The following PAPSS2 variants were observed in gnomAD, a reference collection of about 807,000 sequenced individuals.
PAPSS2 encodes 3'-phosphoadenosine 5'-phosphosulfate synthase 2.
PAPSS2 carries 61 observed loss-of-function variants against 66.5 expected under a neutral mutation model. The ratio of observed to expected loss-of-function variants is 0.92; its 90% CI spans 0.75 to 1.14. The LOEUF (loss-of-function observed/expected upper bound fraction) is 1.14, where lower values mean the gene tolerates loss of function less well. Ranked by LOEUF, PAPSS2 falls within the 50% of genes most tolerant of loss-of-function variation. The pLI, the probability that PAPSS2 is intolerant of heterozygous loss-of-function variation, is 0.00. For synonymous variants in PAPSS2, 289 were observed against 287.5 expected (o/e 1.01, Z -0.05); for missense variants, 708 against 789.6 (o/e 0.90, Z 1.24).
intron 1 of PAPSS2, chr10:87,704,154 A>G (rs950632289): frequency 1.5e-5 from 6 of 410,030 alleles, no homozygotes; most frequent in African/African-American, 1.3e-4. Context: ...AATAGGAATA[A>G]AATATTTGAC....
rs771282949 is a variant in PAPSS2, at chr10:87,715,056, C to T, written c.711C>T (p.Val237=). 6.2e-7 allele frequency: 1 copy of T among 1,613,082 alleles called. No individual in the cohort carries two copies. Among genetic ancestry groups the T allele is most frequent in the Non-Finnish European group, 8.5e-7 (1 of 1,179,070 alleles). Residue 237 remains valine, a synonymous_variant, in exon 6 of 13, where the codon GTC becomes GTT. Transcript: ENST00000456849. ...LFVPENKLDH[V]RAEAETLPSL... ...TGCCGGAAAACAAACTTGACCACGT[C>T]CGAGCTGAGGCTGAAACTCTCCCTT...
rs774708088 is a variant in PAPSS2 at position 87,709,182 on chromosome 10, G to C, written c.28-14G>C. Reference sequence around the variant, plus strand: ...ATTAATTAATACTGTGCTTGGTTTTGTCTTATTTTATAGGAGAACCAGCAG... The same window carrying C: ...ATTAATTAATACTGTGCTTGGTTTTCTCTTATTTTATAGGAGAACCAGCAG... On this transcript the variant is annotated splice_polypyrimidine_tract_variant and intron_variant, in intron 1 of 12. Coordinates refer to ENST00000456849, the MANE Select transcript of PAPSS2 (RefSeq NM_001015880.2). The C allele has an allele frequency of 6.5e-7, 1 of 1,548,964 alleles. No individual in the cohort carries two copies. Among genetic ancestry groups the C allele is most frequent in the East Asian group, 2.2e-5 (1 of 44,522 alleles).
chr10:87,685,123 TCCTTTGTAGGCTCAAGCTGAGCCCCCCA>T (rs1348646569), intron 1 of PAPSS2, among the ~76,000 whole-genome samples: 1 of 152,116 alleles, frequency 6.6e-6, no homozygotes, highest in African/African-American at 2.4e-5. Flanking sequence ...CCATGGGAAA[TCCTTTGTAGGCTCAAGCTGAGCCCCCCA>T]CTTCAAAAGC....
chr10:87,726,934 T>C (rs964717280), intron 8 of PAPSS2, among the ~76,000 whole-genome samples: 1 of 152,240 alleles, frequency 6.6e-6, no homozygotes, highest in Non-Finnish European at 1.5e-5. Context: ...TTTTATTTAA[T>C]TGGGTTTTGG....
chr10:87,709,407 G>A, intron 2 of PAPSS2, 94 bp downstream of exon 2: 1 of 767,456 alleles, frequency 1.3e-6, no homozygotes, highest in African/African-American at 1.7e-5. Context: ...TTACATGCTT[G>A]TTTTATCATT....
intron 1 of PAPSS2, among the ~76,000 whole-genome samples, chr10:87,688,166 A>G (rs1589424739): frequency 6.6e-6 from 1 of 152,060 alleles, no homozygotes; most frequent in Non-Finnish European, 1.5e-5. Context: ...ACATATAATA[A>G]CACTAAAAAG....
chr10:87,728,723 C>T (rs1041947817), intron 9 of PAPSS2, among the ~76,000 whole-genome samples: 3 of 143,090 alleles, frequency 2.1e-5, no homozygotes, highest in South Asian at 2.4e-4. Flanking sequence ...GGTGACAGAG[C>T]GAGACTCTGT....
rs780895988 is a variant in PAPSS2, at chr10:87,727,344, G to A, written c.941G>A (p.Arg314Gln). Residue 314 changes from arginine to glutamine, a missense_variant, in exon 9 of 13, where the codon CGG becomes CAG. By Grantham distance (43) the Arg-to-Gln change is conservative (BLOSUM62 1). Transcript: ENST00000456849. ...VLPVSAEDKT[R>Q]LEGCSKFVLA... is the part of the protein sequence containing the mutation. The stretch of plus-strand genomic sequence containing the variant: ...CCCGTCTCTGCAGAGGATAAGACAC[G>A]GCTGGAAGGGTGCAGCAAGTTTGTC... 4 of 1,613,910 alleles carry A rather than the reference G, an allele frequency of 2.5e-6. No homozygotes were observed. Among genetic ancestry groups the A allele is most frequent in the African/African-American group, 1.3e-5 (1 of 74,872 alleles).
chr10:87,721,191 G>A (rs986691114), intron 7 of PAPSS2, among the ~76,000 whole-genome samples: 4 of 152,222 alleles, frequency 2.6e-5, no homozygotes, highest in Non-Finnish European at 5.9e-5. Context: ...GAGAAAATAT[G>A]TATTAGAAAG....
chr10:87,712,814 G>A (rs1029097979), intron 2 of PAPSS2, among the ~76,000 whole-genome samples: 1 of 151,946 alleles, frequency 6.6e-6, no homozygotes. Context: ...AGAACACATC[G>A]AGGACCACAT....
chr10:87,660,075 T>A, intron 1 of PAPSS2, 67 bp downstream of exon 1: 1 of 1,419,290 alleles, frequency 7.0e-7, no homozygotes, highest in Non-Finnish European at 9.8e-7. Flanking sequence ...CAACCCCCAA[T>A]TCCCCGGCAC....
At chr10:87,669,469 T>G (rs2131895512) in intron 1 of PAPSS2, among the ~76,000 whole-genome samples, 1 of 152,356 alleles carries the variant, frequency 6.6e-6, no homozygotes, top group East Asian at 1.9e-4. Flanking sequence ...GGGTCACTAG[T>G]ACAACAATGT....
At chr10:87,695,654 G>A (rs117103800) in intron 1 of PAPSS2, among the ~76,000 whole-genome samples, 1 of 152,230 alleles carries the variant, frequency 6.6e-6, no homozygotes, top group South Asian at 2.1e-4. Flanking sequence ...AATGCTGACA[G>A]TGGAAATTGC....
At chr10:87,671,630 C>T (rs922224898) in intron 1 of PAPSS2, among the ~76,000 whole-genome samples, 2 of 152,124 alleles carry the variant, frequency 1.3e-5, no homozygotes, top group Non-Finnish European at 1.5e-5. Flanking sequence ...TTCCCAAAGC[C>T]CCACAGGCTA....
At chr10:87,700,650 C>A (rs1434402088) in intron 1 of PAPSS2, among the ~76,000 whole-genome samples, 1 of 148,462 alleles carries the variant, frequency 6.7e-6, no homozygotes, top group African/African-American at 2.5e-5. Context: ...AGAGTGAGAC[C>A]CTGTCTCAAA....
intron 1 of PAPSS2, among the ~76,000 whole-genome samples, chr10:87,670,712 AG>A (rs1437499368): frequency 1.3e-5 from 2 of 152,228 alleles, no homozygotes; most frequent in African/African-American, 4.8e-5. Context: ...GTGACTGCAT[AG>A]AAGTTGAATC....
chr10:87,704,056 C>G (rs777300607), intron 1 of PAPSS2: 1 of 494,784 alleles, frequency 2.0e-6, no homozygotes, highest in Non-Finnish European at 4.1e-6. Flanking sequence ...TTTTTGGCCA[C>G]TCTGCCCCCT....
chr10:87,695,399 G>A (rs978681410), intron 1 of PAPSS2, among the ~76,000 whole-genome samples: 6 of 152,138 alleles, frequency 3.9e-5, no homozygotes, highest in Admixed American at 2.0e-4. Flanking sequence ...CGAATATAAA[G>A]GGCAAAGGGA....
At chr10:87,719,532 G>GTC (rs1853570397) in intron 7 of PAPSS2, among the ~76,000 whole-genome samples, 1 of 152,172 alleles carries the variant, frequency 6.6e-6, no homozygotes, top group Non-Finnish European at 1.5e-5. Flanking sequence ...TAAGGCGGGA[G>GTC]GATCACTTGA....
Sources: gnomAD v4.1 joint callset for allele counts (sites outside exome capture counted in the v4.1 genomes callset) on GRCh38, gnomAD v4.1.1 for gene constraint, MANE v1.5 for transcripts, NCBI Gene and HGNC (gene_info 2026-07-23, HGNC 2026-07-21) for gene names.